SCUBE1: variants seen among roughly 807,000 people sequenced by gnomAD.
SCUBE1 encodes signal peptide, CUB domain and EGF like domain containing 1.
SCUBE1 carries 59 observed loss-of-function variants against 124.4 expected under a neutral mutation model. That is an observed-to-expected ratio of 0.47 (90% CI 0.38 to 0.59). SCUBE1 has a LOEUF of 0.59. Ranked by LOEUF, SCUBE1 falls within the 20% of genes least tolerant of loss-of-function variation. The probability of loss-of-function intolerance (pLI) is 0.00; values close to 1 mark genes in which losing one functional copy is unlikely to be tolerated. For missense variants in SCUBE1, 1,150 were observed against 1,371.2 expected, an observed-to-expected ratio of 0.84 and a Z score of 2.55; for synonymous variants, 545 against 550.9, an observed-to-expected ratio of 0.99 and a Z score of 0.15.
chr22:43,301,417 T>A (rs1925767780), intron 3 of SCUBE1, among the ~76,000 whole-genome samples: 1 of 152,132 alleles, frequency 6.6e-6, no homozygotes, highest in Admixed American at 6.6e-5. Context: ...CTCACCCGCC[T>A]CCAGCCAGGC....
intron 3 of SCUBE1, among the ~76,000 whole-genome samples, chr22:43,310,816 T>C (rs554031426): frequency 2.0e-5 from 3 of 152,380 alleles, no homozygotes; most frequent in Admixed American, 6.5e-5. Context: ...TCTTGCTCCA[T>C]TGCCCAGGCT....
At chr22:43,257,474 A>T (rs1923703680) in intron 6 of SCUBE1, among the ~76,000 whole-genome samples, 1 of 152,240 alleles carries the variant, frequency 6.6e-6, no homozygotes, top group African/African-American at 2.4e-5. Context: ...GGCATGAAAT[A>T]ATCAGAAATA....
chr22:43,227,935 C>T (rs1477288347), intron 9 of SCUBE1, among the ~76,000 whole-genome samples: 1 of 152,198 alleles, frequency 6.6e-6, no homozygotes, highest in Non-Finnish European at 1.5e-5. Context: ...ACCGCTAAGG[C>T]CTTTCCTCCT....
intron 21 of SCUBE1, among the ~76,000 whole-genome samples, chr22:43,204,867 C>T (rs1479362421): frequency 1.3e-5 from 2 of 151,546 alleles, no homozygotes; most frequent in African/African-American, 2.4e-5. Context: ...CTGCTTGAAA[C>T]CGGGAGGCGG....
At chr22:43,240,699 G>A (rs1435819088) in intron 6 of SCUBE1, among the ~76,000 whole-genome samples, 1 of 152,208 alleles carries the variant, frequency 6.6e-6, no homozygotes, top group Admixed American at 6.5e-5. Flanking sequence ...CGCTTACAAG[G>A]GCCTGGCTTG....
At chr22:43,329,562 G>C (rs994935168) in intron 2 of SCUBE1, among the ~76,000 whole-genome samples, 18 of 152,258 alleles carry the variant, frequency 1.2e-4, no homozygotes, top group African/African-American at 3.6e-4. Context: ...AGAAGACATG[G>C]GGGTTCCTGG....
intron 2 of SCUBE1, among the ~76,000 whole-genome samples, chr22:43,336,528 TGAGGAGCTCACTGGGAGCTCCTG>T (rs1927086911): frequency 1.3e-5 from 2 of 152,164 alleles, no homozygotes; most frequent in Admixed American, 6.5e-5. Context: ...AACCTCTAAT[TGAGGAGCTCACTGGGAGCTCCTG>T]GGGGCATGGC....
At chr22:43,320,972 A>G (rs1926524511) in intron 2 of SCUBE1, among the ~76,000 whole-genome samples, 1 of 152,176 alleles carries the variant, frequency 6.6e-6, no homozygotes, top group Non-Finnish European at 1.5e-5. Context: ...GCTCTTCTGC[A>G]GGGTCTTCAG....
At chr22:43,270,212 A>G (rs1924239555) in intron 4 of SCUBE1, 1 of 152,250 alleles carries the variant, frequency 6.6e-6, no homozygotes. Context: ...TACAAGGAGT[A>G]TATAAAACAA....
intron 6 of SCUBE1, among the ~76,000 whole-genome samples, chr22:43,247,482 C>T (rs5996297): frequency 6.6e-6 from 1 of 152,040 alleles, no homozygotes; most frequent in Non-Finnish European, 1.5e-5. Flanking sequence ...ACGGTCCTTA[C>T]AGCAATGACA....
At chr22:43,219,712 G>C (rs138796382) in intron 14 of SCUBE1, among the ~76,000 whole-genome samples, 7 of 152,238 alleles carry the variant, frequency 4.6e-5, no homozygotes, top group Non-Finnish European at 8.8e-5. Context: ...GAACTCAAGT[G>C]ATCCACCCAC....
At chr22:43,236,364 T>C (rs1421820149) in intron 7 of SCUBE1, among the ~76,000 whole-genome samples, 1 of 152,234 alleles carries the variant, frequency 6.6e-6, no homozygotes. Flanking sequence ...TCTATGGACA[T>C]GTCTAGTCTC....
rs1222025946 is a variant in SCUBE1 at position 43,212,366 on chromosome 22, C to A, written c.2221+59G>T. The A allele has an allele frequency of 1.7e-5, 25 of 1,510,160 alleles. 1 individual carries two copies. Among genetic ancestry groups the A allele is most frequent in the Non-Finnish European group, 2.2e-5 (25 of 1,119,264 alleles). The allele number at this position is 1,510,160 out of a possible 1,614,324, so 93.5% of individuals were successfully genotyped here. On this transcript the variant is annotated intron_variant, in intron 17 of 21. Coordinates refer to ENST00000360835, the MANE Select transcript of SCUBE1 (RefSeq NM_173050.5). ...ATGAGAGGGGTTCGGGGAAGCCTCT[C>A]GGAGCAGTGCAGCCCTGCCTCTCGG...
chr22:43,243,298 G>A (rs933017884), intron 6 of SCUBE1, among the ~76,000 whole-genome samples: 1 of 152,254 alleles, frequency 6.6e-6, no homozygotes, highest in African/African-American at 2.4e-5. Context: ...GGTGGGGAGA[G>A]CGCTCACCCT....
At chr22:43,236,620 G>C (rs1351028789) in intron 7 of SCUBE1, among the ~76,000 whole-genome samples, 1 of 152,184 alleles carries the variant, frequency 6.6e-6, no homozygotes, top group Non-Finnish European at 1.5e-5. Flanking sequence ...CCCAGTCCCA[G>C]GTCCTTGAAC....
intron 6 of SCUBE1, among the ~76,000 whole-genome samples, chr22:43,243,140 C>G (rs576944126): frequency 6.6e-6 from 1 of 152,240 alleles, no homozygotes; most frequent in African/African-American, 2.4e-5. Flanking sequence ...TCAGGTCACA[C>G]AGCTATTGGG....
rs150381076 is a variant in SCUBE1 at position 43,231,771 on chromosome 22, C to T, written c.949G>A (p.Asp317Asn). Residue 317 changes from aspartate (D) to asparagine (N), a missense_variant, in exon 8 of 22, where the codon GAC (aspartate) becomes AAC (asparagine). Coordinates refer to ENST00000360835, the MANE Select transcript of SCUBE1 (RefSeq NM_173050.5). ...GCRKGYKLLTDERTCQDIDEC... is the reference protein window; with the variant it reads ...GCRKGYKLLTNERTCQDIDEC... ...GGCTCACCCTGGCAGGTGCGCTCGTCGGTGAGCAGCTTGTAGCCCTTCCGG... is the reference window on the plus strand; with the variant it reads ...GGCTCACCCTGGCAGGTGCGCTCGTTGGTGAGCAGCTTGTAGCCCTTCCGG... 34 of 1,599,214 alleles carry T rather than the reference C, an allele frequency of 2.1e-5. No homozygotes were observed. The highest frequency in any genetic ancestry group is 6.7e-5 in the African/African-American group (5 of 74,722).
chr22:43,339,874 C>A (rs554504259), intron 1 of SCUBE1, among the ~76,000 whole-genome samples: 2 of 114,898 alleles, frequency 1.7e-5, no homozygotes, highest in Admixed American at 8.5e-5. Context: ...ACTATCCCCC[C>A]ACAAGCATCA....
intron 10 of SCUBE1, among the ~76,000 whole-genome samples, chr22:43,223,989 T>A (rs1922206811): frequency 6.6e-6 from 1 of 152,130 alleles, no homozygotes; most frequent in Admixed American, 6.5e-5. Flanking sequence ...TTGCCCCAAA[T>A]CCCCAGGGAA....
Sources: allele counts gnomAD v4.1 joint callset (sites outside exome capture counted in the v4.1 genomes callset), GRCh38; gene constraint gnomAD v4.1.1; transcripts MANE v1.5; gene names NCBI Gene and HGNC (gene_info 2026-07-23, HGNC 2026-07-21).